The following SLMAP variants were observed in gnomAD, a reference collection of about 807,000 sequenced individuals.
The protein encoded by SLMAP is sarcolemma associated protein.
Under a neutral mutation model 128.8 loss-of-function variants are expected in SLMAP, and 44 were observed. The ratio of observed to expected loss-of-function variants is 0.34; its 90% CI spans 0.27 to 0.44. SLMAP has a LOEUF of 0.44. SLMAP is among the 20% of genes least tolerant of loss of function. The pLI, the probability that SLMAP is intolerant of heterozygous loss-of-function variation, is 1.00. For synonymous variants in SLMAP, 327 were observed against 348.8 expected, an observed-to-expected ratio of 0.94 and a Z score of 0.70; for missense variants, 787 against 985.3, an observed-to-expected ratio of 0.80 and a Z score of 2.69.
At chr3:57,844,976 G>A (rs2094172484) in intron 4 of SLMAP, among the ~76,000 whole-genome samples, 1 of 151,948 alleles carries the variant, frequency 6.6e-6, no homozygotes. Flanking sequence ...ACATTCTTAA[G>A]TTCATTTCAC....
chr3:57,845,296 G>A (rs1457697733), intron 4 of SLMAP, among the ~76,000 whole-genome samples: 1 of 152,138 alleles, frequency 6.6e-6, no homozygotes, highest in African/African-American at 2.4e-5. Flanking sequence ...ATCAAAGAAG[G>A]ACAGTAAAGT....
chr3:57,806,875 A>G (rs1173214072), intron 2 of SLMAP, among the ~76,000 whole-genome samples: 1 of 152,244 alleles, frequency 6.6e-6, no homozygotes, highest in Non-Finnish European at 1.5e-5. Context: ...CTTTGGGTGT[A>G]TACCCAGTAA....
intron 2 of SLMAP, among the ~76,000 whole-genome samples, chr3:57,782,544 C>G (rs1301150681): frequency 6.6e-6 from 1 of 152,180 alleles, no homozygotes; most frequent in Admixed American, 6.5e-5. Context: ...ATGATCTGGG[C>G]TCACTACAAC....
chr3:57,759,916 T>A (rs755882149), intron 2 of SLMAP, among the ~76,000 whole-genome samples: 7 of 152,212 alleles, frequency 4.6e-5, no homozygotes, highest in Non-Finnish European at 8.8e-5. Context: ...TAGTGACTGT[T>A]TCATGAATTG....
intron 2 of SLMAP, among the ~76,000 whole-genome samples, chr3:57,781,121 T>C (rs973694758): frequency 5.3e-5 from 8 of 151,972 alleles, no homozygotes; most frequent in African/African-American, 1.4e-4. Context: ...GGTACATGCC[T>C]GTAGCCCCAG....
At chr3:57,835,893 T>C (rs1246642662) in intron 3 of SLMAP, among the ~76,000 whole-genome samples, 4 of 146,810 alleles carry the variant, frequency 2.7e-5, no homozygotes, top group Non-Finnish European at 4.4e-5. Context: ...TACTATATAG[T>C]GCTTTTGAAT....
At chr3:57,782,795 C>CTTAGGAGTGGG (rs2083331267) in intron 2 of SLMAP, among the ~76,000 whole-genome samples, 1 of 152,084 alleles carries the variant, frequency 6.6e-6, no homozygotes, top group Admixed American at 6.6e-5. Flanking sequence ...TTGTCATTAT[C>CTTAGGAGTGGG]TTAGGAGTGG....
At position 57,888,885 on chromosome 3, in the gene SLMAP, G is replaced by GT. The variant is rs748770902; in HGVS notation, c.1301-1147dup. 1.6e-3 allele frequency among the ~76,000 whole-genome samples: 244 copies of GT among 149,986 alleles called. 2 individuals carry two copies. The highest frequency in any genetic ancestry group is 2.7e-3 in the Non-Finnish European group (180 of 67,356). On this transcript the variant is annotated intron_variant, in intron 14 of 24. Coordinates refer to ENST00000671191, the MANE Select transcript of SLMAP (RefSeq NM_001377540.1). ...TCTTAATCAAAATCTGTTACTTTCT[G>GT]TTTTTTTTTCTTTTTTTCTGTTTTT...
chr3:57,848,424 CCTT>C (rs1022890571), intron 5 of SLMAP, among the ~76,000 whole-genome samples: 12 of 150,626 alleles, frequency 8.0e-5, no homozygotes, highest in Admixed American at 3.3e-4. Flanking sequence ...CTTTCTTCTT[CCTT>C]CTTTTTTCTT....
In SLMAP at chr3:57,927,453, C is replaced by T. The variant is rs1298077105; in HGVS notation, c.*164C>T. ...GCTGGCATCACACTCATGCTGGGGA[C>T]AAACAGAACCATTTTCTTCCTCTTT... On this transcript the variant is annotated 3_prime_UTR_variant, in exon 25 of 25. Transcript: ENST00000671191. 3 of 910,242 alleles carry T rather than the reference C, an allele frequency of 3.3e-6. No homozygotes were observed. Among genetic ancestry groups the T allele is most frequent in the African/African-American group, 1.6e-5 (1 of 61,552 alleles). 56.4% of individuals were successfully genotyped at this position (910,242 alleles called of 1,614,324 possible). A position where few individuals can be genotyped will look rare whatever the true frequency, so the allele number is the denominator to read the frequency against.
At chr3:57,919,560 C>T (rs1056757005) in intron 22 of SLMAP, among the ~76,000 whole-genome samples, 6 of 151,888 alleles carry the variant, frequency 4.0e-5, no homozygotes, top group South Asian at 2.1e-4. Flanking sequence ...TTTGGGAGGC[C>T]GAGGTGAGCA....
rs2097033223 is a variant in SLMAP at position 57,927,873 on chromosome 3, C to T, written c.*584C>T. 1.3e-5 allele frequency: 2 copies of T among 152,112 alleles called. No homozygotes were observed. The highest frequency in any genetic ancestry group is 1.3e-4 in the Admixed American group (2 of 15,230). 9.4% of individuals were successfully genotyped at this position (152,112 alleles called of 1,614,324 possible). ...CATATATATATTTTTTACATATTTA[C>T]GCCATTTTTACTTGTTATGAAACCA... On this transcript the variant is annotated 3_prime_UTR_variant, in exon 25 of 25. Coordinates refer to ENST00000671191, the MANE Select transcript of SLMAP (RefSeq NM_001377540.1).
chr3:57,783,994 G>C (rs1478405071), intron 2 of SLMAP, among the ~76,000 whole-genome samples: 1 of 152,122 alleles, frequency 6.6e-6, no homozygotes, highest in Admixed American at 6.5e-5. Context: ...AACTCTGGTG[G>C]TGTACACTTG....
At chr3:57,906,332 T>TTC (rs1491216777) in intron 17 of SLMAP, among the ~76,000 whole-genome samples, 2 of 136,954 alleles carry the variant, frequency 1.5e-5, no homozygotes, top group East Asian at 2.2e-4. Context: ...TTTTTTTTTT[T>TTC]AGAGACACAG....
In SLMAP at chr3:57,847,179, C is replaced by G. The variant is rs112199469; in HGVS notation, c.420-18C>G. The G allele has an allele frequency of 3.8e-6, 6 of 1,572,030 alleles. No individual in the cohort carries two copies. The African/African-American group carries it at 6.8e-5, about 18-fold the overall frequency. The stretch of plus-strand genomic sequence containing the variant: ...ATTGTCCGGATATTAGATAAAACTT[C>G]TAAATTTTACTTTTCAGTGTCATCC... On this transcript the variant is annotated intron_variant, in intron 4 of 24. Transcript: ENST00000671191.
chr3:57,816,127 GTGTTTGTTTGTTTGTT>G (rs554703436), intron 2 of SLMAP, among the ~76,000 whole-genome samples: 7 of 151,484 alleles, frequency 4.6e-5, no homozygotes, highest in East Asian at 1.9e-4. Context: ...TAAACCGTTT[GTGTTTGTTTGTTTGTT>G]TGTTTGTTTG....
intron 17 of SLMAP, among the ~76,000 whole-genome samples, chr3:57,906,050 T>TAAAA (rs1168626870): frequency 1.1e-4 from 12 of 105,980 alleles, no homozygotes; most frequent in African/African-American, 3.9e-4. Context: ...AAATACTCCT[T>TAAAA]AAAAAAAAAA....
intron 1 of SLMAP, 26 bp from the exon 2 acceptor site, chr3:57,756,522 G>C (rs1459487950): frequency 6.6e-6 from 1 of 152,628 alleles, no homozygotes; most frequent in Non-Finnish European, 1.5e-5. Context: ...CCTGACGGCC[G>C]TTTGTTTTGA....
At chr3:57,917,393 A>G (rs1455221580) in intron 22 of SLMAP, 3 of 412,748 alleles carry the variant, frequency 7.3e-6, no homozygotes, top group Non-Finnish European at 1.2e-5. Context: ...AGAGTATCGT[A>G]TGTAACTTAG....
Sources: gnomAD v4.1 joint callset for allele counts (sites outside exome capture counted in the v4.1 genomes callset) on GRCh38, gnomAD v4.1.1 for gene constraint, MANE v1.5 for transcripts, NCBI Gene and HGNC (gene_info 2026-07-23, HGNC 2026-07-21) for gene names.